The following ISM2 variants were observed in gnomAD, a reference collection of about 807,000 sequenced individuals.
ISM2 encodes the protein isthmin 2.
Under a neutral mutation model 58.0 loss-of-function variants are expected in ISM2, and 50 were observed. The observed-to-expected ratio is 0.86, with a 90% CI of 0.69 to 1.09. The LOEUF is 1.09. Among genes scored for constraint, ISM2 ranks in the 50% least tolerant of loss-of-function variants. The pLI, the probability that ISM2 is intolerant of heterozygous loss-of-function variation, is 0.00. For missense variants in ISM2, 723 were observed against 745.0 expected, an observed-to-expected ratio of 0.97 and a Z score of 0.34; for synonymous variants, 303 against 312.4, an observed-to-expected ratio of 0.97 and a Z score of 0.32.
chr14:77,476,427 A>G (rs943546754), intron 6 of ISM2, among the ~76,000 whole-genome samples: 4 of 152,242 alleles, frequency 2.6e-5, no homozygotes, highest in African/African-American at 9.6e-5. Context: ...ATGGTGGGAA[A>G]GATCCTGAGA....
chr14:77,484,605 C>T (rs1236507253), intron 2 of ISM2, 40 bp from the exon 3 acceptor site: 11 of 1,608,548 alleles, frequency 6.8e-6, no homozygotes, highest in Admixed American at 1.7e-5. Flanking sequence ...CAGGTTAGGG[C>T]TTACCCAACA....
rs1348705082 is a variant in ISM2 at position 77,475,830 on chromosome 14, T to C, written c.1481A>G (p.Tyr494Cys). The change falls in exon 7 of 7, where the codon TAT becomes TGT. Residue 494 changes from tyrosine to cysteine, a missense_variant. By Grantham distance (194) the Tyr-to-Cys change is radical. Transcript: ENST00000342219. This position sits in a 1 kb window ranked among gnomAD's most constrained non-coding sequence, Gnocchi z 4.1. ...SSTLAAQHCC[Y>C]DEDSRLLTRG... The stretch of plus-strand genomic sequence containing the variant: ...GGTCAGCAGCCGGCTGTCCTCGTCA[T>C]AGCAGCAGTGCTGGGCGGCCAGTGT... 3.7e-6 allele frequency: 6 copies of C among 1,612,170 alleles called. No individual in the cohort carries two copies. The highest frequency in any genetic ancestry group is 5.1e-6 in the Non-Finnish European group (6 of 1,179,796).
intron 4 of ISM2, among the ~76,000 whole-genome samples, chr14:77,480,901 G>A (rs570872962): frequency 1.1e-4 from 16 of 152,026 alleles, no homozygotes; most frequent in Admixed American, 2.6e-4. Context: ...TTAGTGAATT[G>A]GGAAGAGCCT....
intron 1 of ISM2, among the ~76,000 whole-genome samples, chr14:77,486,761 T>C (rs1258154334): frequency 2.0e-5 from 3 of 151,792 alleles, no homozygotes. Context: ...GGTACAGTGG[T>C]TATGCAGTGG....
chr14:77,481,366 C>T (rs1331213563), intron 4 of ISM2, among the ~76,000 whole-genome samples: 5 of 151,904 alleles, frequency 3.3e-5, no homozygotes, highest in Non-Finnish European at 5.9e-5. Flanking sequence ...AAAAATCTGT[C>T]ATCATGAGAG....
rs772342344 is a variant in ISM2, at chr14:77,496,799, GAAAAAAAAAAAAAAAAAAAAAA to G, written c.141+1832_141+1853del. 3.4e-3 allele frequency among the ~76,000 whole-genome samples: 87 copies of G among 25,802 alleles called. 2 individuals are homozygous for G. The highest frequency in any genetic ancestry group is 0.014 in the African/African-American group (78 of 5,462). 16.9% of individuals were successfully genotyped at this position (25,802 alleles called of 152,430 possible). ...GTGACAGAGTGAGACTCCATCTCAG[GAAAAAAAAAAAAAAAAAAAAAA>G]AAAAAAAAAAAAAAATTCATGGGGA... On this transcript the variant is annotated intron_variant, in intron 1 of 6. Transcript: ENST00000342219.
In ISM2 at chr14:77,482,316, G is replaced by T; in HGVS notation, c.973+6C>A. On this transcript the variant is annotated splice_donor_region_variant and intron_variant, in intron 4 of 6. Coordinates refer to ENST00000342219, the MANE Select transcript of ISM2 (RefSeq NM_199296.3). ...AGCCTGGGGATGCCAAGATGGGGGT[G>T]CTCACCGTAGCTGACAGAATCCTTG... The T allele has an allele frequency of 6.2e-7, 1 of 1,605,008 alleles. No homozygotes were observed. The highest frequency in any genetic ancestry group is 8.5e-7 in the Non-Finnish European group (1 of 1,174,776).
chr14:77,489,922 G>C (rs1190914115), intron 1 of ISM2, among the ~76,000 whole-genome samples: 1 of 152,194 alleles, frequency 6.6e-6, no homozygotes, highest in Non-Finnish European at 1.5e-5. Context: ...GGAGTGCAGT[G>C]GCACGATCTT....
At chr14:77,498,041 A>T (rs2079258611) in intron 1 of ISM2, among the ~76,000 whole-genome samples, 1 of 152,154 alleles carries the variant, frequency 6.6e-6, no homozygotes, top group African/African-American at 2.4e-5. Flanking sequence ...TGACTGGAAG[A>T]CACAGGGTTT....
At chr14:77,478,349 C>T in intron 5 of ISM2, 24 bp from the exon 6 acceptor site, 1 of 1,600,936 alleles carries the variant, frequency 6.2e-7, no homozygotes, top group African/African-American at 1.3e-5. Context: ...GGAGGCCAGG[C>T]TGGTGGCTCC....
rs994528414 is a variant in ISM2 at position 77,474,498 on chromosome 14, G to C, written c.*1097C>G. 3 of 152,240 alleles carry C rather than the reference G, an allele frequency of 2.0e-5. No homozygotes were observed. The highest frequency in any genetic ancestry group is 4.4e-5 in the Non-Finnish European group (3 of 68,070). 9.4% of individuals were successfully genotyped at this position (152,240 alleles called of 1,614,324 possible). ...TAACTTTTGGTGGCTCTTGTGAACA[G>C]AGACAGTTGAGACTTCAATATTTCA... On this transcript the variant is annotated 3_prime_UTR_variant, in exon 7 of 7. Coordinates refer to ENST00000342219, the MANE Select transcript of ISM2 (RefSeq NM_199296.3).
intron 1 of ISM2, 27 bp downstream of exon 1, chr14:77,498,626 C>A: frequency 3.5e-6 from 5 of 1,427,918 alleles, no homozygotes; most frequent in Non-Finnish European, 4.6e-6. Flanking sequence ...ACAGCGCGCT[C>A]CGCAGCCCGG....
Position 77,482,557 on chromosome 14 carries a change from C to A in ISM2, c.738G>T (p.Trp246Cys). 1 of 1,614,000 alleles carries A rather than the reference C, an allele frequency of 6.2e-7. No homozygotes were observed. The highest frequency in any genetic ancestry group is 8.5e-7 in the Non-Finnish European group (1 of 1,179,932). ...QDTLSWLPAL[W>C]SFLWGDYKGE... is the part of the protein sequence containing the mutation. ...CTTTGTAGTCTCCCCAGAGGAAGGA[C>A]CAGAGGGCGGGCAGCCAGCTAAGGG... The change falls in exon 4 of 7, where the codon TGG (tryptophan) becomes TGT (cysteine). Residue 246 changes from tryptophan to cysteine, a missense_variant. Physicochemically the swap from Trp to Cys is radical, Grantham distance 215 (BLOSUM62 -2). Coordinates refer to ENST00000342219, the MANE Select transcript of ISM2 (RefSeq NM_199296.3).
intron 1 of ISM2, chr14:77,498,436 C>T (rs1480521568): frequency 1.6e-6 from 2 of 1,220,254 alleles, no homozygotes; most frequent in South Asian, 2.8e-5. Flanking sequence ...CGCGGCAGCC[C>T]GGCTCGCGGT....
At chr14:77,485,005 G>A (rs1356419878) in intron 1 of ISM2, 86 bp from the exon 2 acceptor site, 21 of 1,418,346 alleles carry the variant, frequency 1.5e-5, no homozygotes, top group Non-Finnish European at 1.6e-5. Flanking sequence ...AGATCCAGGA[G>A]CCCTGGGGTC....
intron 1 of ISM2, among the ~76,000 whole-genome samples, chr14:77,497,185 T>C (rs2079248249): frequency 6.6e-6 from 1 of 151,552 alleles, no homozygotes; most frequent in Non-Finnish European, 1.5e-5. Context: ...CTGGCCAAGA[T>C]GGTGAAACCC....
chr14:77,475,518 G>T lies in ISM2; in HGVS notation c.*77C>A. Reference sequence around the variant, plus strand: ...TTCCTCACCCTGTCTGGGCAGGGGCGGGTGAGGAAAGTTCTCCCGTGCAAC... The same window carrying T: ...TTCCTCACCCTGTCTGGGCAGGGGCTGGTGAGGAAAGTTCTCCCGTGCAAC... On this transcript the variant is annotated 3_prime_UTR_variant, in exon 7 of 7. Coordinates refer to ENST00000342219, the MANE Select transcript of ISM2 (RefSeq NM_199296.3). This position sits in a 1 kb window ranked among gnomAD's most constrained non-coding sequence, Gnocchi z 4.1. The T allele has an allele frequency of 6.4e-6, 1 of 155,166 alleles. No individual in the cohort carries two copies. The highest frequency in any genetic ancestry group is 1.2e-5 in the Non-Finnish European group (1 of 86,198). 9.6% of individuals were successfully genotyped at this position (155,166 alleles called of 1,614,324 possible).
chr14:77,490,063 C>T (rs1017884168), intron 1 of ISM2, among the ~76,000 whole-genome samples: 2 of 152,196 alleles, frequency 1.3e-5, no homozygotes, highest in African/African-American at 2.4e-5. Flanking sequence ...TGGGGTTTCA[C>T]CGTGTTAGCC....
At chr14:77,482,768 C>A in intron 3 of ISM2, 101 bp from the exon 4 acceptor site, 1 of 717,908 alleles carries the variant, frequency 1.4e-6, no homozygotes, top group Non-Finnish European at 2.3e-6. Flanking sequence ...AGAGGCCCAA[C>A]CTTTCCTTCA....
Sources: allele counts gnomAD v4.1 joint callset (sites outside exome capture counted in the v4.1 genomes callset), GRCh38; gene constraint gnomAD v4.1.1; non-coding constraint Gnocchi (gnomAD v3.1); transcripts MANE v1.5; gene names NCBI Gene and HGNC (gene_info 2026-07-23, HGNC 2026-07-21).